Variants in RCAN2 observed in about 807,000 individuals in gnomAD.
The protein encoded by RCAN2 is regulator of calcineurin 2.
In RCAN2, 9 loss-of-function variants were observed where a neutral mutation model predicts 23.6. That is an observed-to-expected ratio of 0.38 (90% CI 0.23 to 0.67). The LOEUF is 0.67. Ranked by LOEUF, RCAN2 falls within the 30% of genes least tolerant of loss-of-function variation. The pLI, the probability that RCAN2 is intolerant of heterozygous loss-of-function variation, is 0.51. For synonymous variants in RCAN2, 109 were observed against 115.7 expected (o/e 0.94, Z 0.37); for missense variants, 273 against 302.3 (o/e 0.90, Z 0.72).
In RCAN2 at chr6:46,464,594, A is replaced by G. The variant is rs943443280; in HGVS notation, c.-2-7616T>C. Among the ~76,000 whole-genome samples, 5 of 152,320 alleles carry G rather than the reference A, an allele frequency of 3.3e-5. No individual in the cohort carries two copies. The South Asian group carries it at 8.3e-4, about 25-fold the overall frequency. On this transcript the variant is annotated intron_variant, in intron 1 of 4. Transcript: ENST00000371374. ...TACAAAGGAGAGACATGATATTCTT[A>G]GGCTATGCTCCATAGAAACCCATTA...
intron 4 of RCAN2, among the ~76,000 whole-genome samples, chr6:46,232,897 G>A (rs79715432): frequency 0.025 from 3,833 of 152,000 alleles, 98 homozygotes; most frequent in Non-Finnish European, 0.033. Context: ...GTGCTTCTCA[G>A]TGCTTCTGTG....
At chr6:46,255,754 C>G (rs1041743751) in intron 2 of RCAN2, among the ~76,000 whole-genome samples, 3 of 152,110 alleles carry the variant, frequency 2.0e-5, no homozygotes, top group Admixed American at 2.0e-4. Context: ...TGGAGAGCCG[C>G]AGGGTATGGC....
At chr6:46,323,240 T>C (rs1399304263) in intron 2 of RCAN2, among the ~76,000 whole-genome samples, 1 of 152,182 alleles carries the variant, frequency 6.6e-6, no homozygotes, top group Non-Finnish European at 1.5e-5. Context: ...TAGCTAACAT[T>C]TATTGAGCAT....
chr6:46,272,945 C>A (rs1561837634), intron 2 of RCAN2, among the ~76,000 whole-genome samples: 1 of 152,152 alleles, frequency 6.6e-6, no homozygotes, highest in African/African-American at 2.4e-5. Context: ...TATCTAAGCC[C>A]CTCTAAGCGT....
chr6:46,463,983 G>C (rs1416825172), intron 1 of RCAN2, among the ~76,000 whole-genome samples: 2 of 152,144 alleles, frequency 1.3e-5, no homozygotes, highest in African/African-American at 4.8e-5. Flanking sequence ...GCCAGCTAAG[G>C]AGGATAAATA....
chr6:46,490,752 C>G (rs1432295108), intron 1 of RCAN2, among the ~76,000 whole-genome samples: 2 of 145,902 alleles, frequency 1.4e-5, no homozygotes, highest in Admixed American at 6.9e-5. Flanking sequence ...CTTCTTTGCT[C>G]TCTGCATCCA....
chr6:46,482,458 G>A (rs1413930165), intron 1 of RCAN2, among the ~76,000 whole-genome samples: 2 of 152,132 alleles, frequency 1.3e-5, no homozygotes, highest in African/African-American at 4.8e-5. Context: ...TGTGTTTTTG[G>A]AAATGGGGCA....
rs2150299262 is a variant in RCAN2 at position 46,220,866 on chromosome 6, T to G, written c.*2275A>C. The G allele has an allele frequency of 6.5e-6, 1 of 152,838 alleles. No homozygotes were observed. The highest frequency in any genetic ancestry group is 2.4e-5 in the African/African-American group (1 of 41,568). The allele number at this position is 152,838 out of a possible 1,614,324, so 9.5% of individuals were successfully genotyped here. On this transcript the variant is annotated 3_prime_UTR_variant, in exon 5 of 5. Coordinates refer to ENST00000371374, the MANE Select transcript of RCAN2 (RefSeq NM_001251974.2). ...CAAACTTAAAATAGTGCTAAAGAGA[T>G]TTGCATAATGTGCGTCATGGAAATG...
intron 1 of RCAN2, among the ~76,000 whole-genome samples, chr6:46,460,447 G>A (rs1768174672): frequency 6.6e-6 from 1 of 152,130 alleles, no homozygotes. Flanking sequence ...ATTGACATGT[G>A]TTGTCCTTAT....
At chr6:46,292,427 T>G (rs1430426194) in intron 2 of RCAN2, among the ~76,000 whole-genome samples, 4 of 16,648 alleles carry the variant, frequency 2.4e-4, no homozygotes, top group African/African-American at 8.9e-4. Context: ...TGATTTGTTG[T>G]TTTTTTTTTT....
intron 2 of RCAN2, among the ~76,000 whole-genome samples, chr6:46,309,539 C>A (rs1763185957): frequency 6.6e-6 from 1 of 152,172 alleles, no homozygotes; most frequent in Admixed American, 6.5e-5. Flanking sequence ...GATGATTCTC[C>A]TGTGGTTCAT....
rs1581998277 is a variant in RCAN2 at position 46,222,997 on chromosome 6, C to T, written c.*144G>A. The T allele has an allele frequency of 6.2e-6, 5 of 810,582 alleles. No individual in the cohort carries two copies. Among genetic ancestry groups the T allele is most frequent in the Non-Finnish European group, 1.0e-5 (5 of 501,096 alleles). 50.2% of individuals were successfully genotyped at this position (810,582 alleles called of 1,614,324 possible). A position where few individuals can be genotyped will look rare whatever the true frequency, so the allele number is the denominator to read the frequency against. On this transcript the variant is annotated 3_prime_UTR_variant, in exon 5 of 5. Transcript: ENST00000371374. Reference sequence around the variant, plus strand: ...GGAGACATATCACCTTTTCCTAGCCCTTTTGTCCGAGAGGCTTGATAACAA... The same window carrying T: ...GGAGACATATCACCTTTTCCTAGCCTTTTTGTCCGAGAGGCTTGATAACAA...
intron 2 of RCAN2, among the ~76,000 whole-genome samples, chr6:46,360,335 A>G (rs1764967896): frequency 6.6e-6 from 1 of 151,992 alleles, no homozygotes; most frequent in Admixed American, 6.6e-5. Flanking sequence ...GGTGGAGACC[A>G]TGCTGGCTAA....
At chr6:46,429,716 T>A (rs1767132870) in intron 2 of RCAN2, among the ~76,000 whole-genome samples, 1 of 151,872 alleles carries the variant, frequency 6.6e-6, no homozygotes, top group Admixed American at 6.6e-5. Flanking sequence ...GACCCTAGGG[T>A]CTAATGTGAA....
intron 2 of RCAN2, among the ~76,000 whole-genome samples, chr6:46,319,923 A>C (rs1399432593): frequency 6.6e-6 from 1 of 152,216 alleles, no homozygotes; most frequent in Admixed American, 6.5e-5. Flanking sequence ...CATAAACCAA[A>C]GATGGTCTAG....
At position 46,405,499 on chromosome 6, in the gene RCAN2, C is replaced by T. The variant is rs551503665; in HGVS notation, c.225+51253G>A. ...CCTTGAGCTAGATATAAAGGTTCTC[C>T]ACGTCCCCATCAGATTAGTTAGATA... On this transcript the variant is annotated intron_variant, in intron 2 of 4. Transcript: ENST00000371374. Among the ~76,000 whole-genome samples the T allele has an allele frequency of 8.5e-5, 13 of 152,262 alleles. 2 individuals are homozygous for T. In the Middle Eastern group the frequency reaches 0.024, roughly 279 times the overall value.
At chr6:46,489,207 A>C (rs753736570) in intron 1 of RCAN2, among the ~76,000 whole-genome samples, 1 of 152,094 alleles carries the variant, frequency 6.6e-6, no homozygotes, top group Non-Finnish European at 1.5e-5. Flanking sequence ...TGGGATCCAG[A>C]CCAAATGTAA....
intron 4 of RCAN2, among the ~76,000 whole-genome samples, chr6:46,239,101 A>T (rs1362976712): frequency 1.3e-5 from 2 of 152,222 alleles, no homozygotes; most frequent in Admixed American, 1.3e-4. Context: ...CTCACATCCT[A>T]TGTTTCAATC....
At chr6:46,336,953 CAA>C (rs3084607) in intron 2 of RCAN2, among the ~76,000 whole-genome samples, 8 of 130,308 alleles carry the variant, frequency 6.1e-5, no homozygotes, top group Admixed American at 1.5e-4. Flanking sequence ...TTGGAAGTAC[CAA>C]AAAAAAAAAA....
Sources: gnomAD v4.1 joint callset for allele counts (sites outside exome capture counted in the v4.1 genomes callset) on GRCh38, gnomAD v4.1.1 for gene constraint, MANE v1.5 for transcripts, NCBI Gene and HGNC (gene_info 2026-07-23, HGNC 2026-07-21) for gene names.